The following B3GALT1 variants were observed in gnomAD, a reference collection of about 807,000 sequenced individuals.
B3GALT1 encodes beta-1,3-galactosyltransferase 1, also known as UDP-Gal:betaGlcNAc beta 1,3-galactosyltransferase, polypeptide 1.
In B3GALT1, 10 loss-of-function variants were observed where a neutral mutation model predicts 23.2. The ratio of observed to expected loss-of-function variants is 0.43; its 90% CI spans 0.27 to 0.73. B3GALT1 has a LOEUF of 0.73. Among genes scored for constraint, B3GALT1 ranks in the 30% least tolerant of loss-of-function variants. B3GALT1 has a pLI of 0.21. For missense variants in B3GALT1, 299 were observed against 405.4 expected (o/e 0.74, Z 2.25); for synonymous variants, 156 against 141.5 (o/e 1.10, Z -0.73).
chr2:167,444,970 T>G (rs1218713888), intron 1 of B3GALT1, among the ~76,000 whole-genome samples: 1 of 152,234 alleles, frequency 6.6e-6, no homozygotes, highest in African/African-American at 2.4e-5. Flanking sequence ...GTGTCAATTT[T>G]AGATCTTTCC....
chr2:167,676,756 C>T (rs868845499), intron 3 of B3GALT1, among the ~76,000 whole-genome samples: 4 of 152,032 alleles, frequency 2.6e-5, no homozygotes, highest in African/African-American at 9.7e-5. Context: ...AGGCTGGTCT[C>T]GAACTCCTGG....
chr2:167,765,816 T>C (rs1305757091), intron 3 of B3GALT1, among the ~76,000 whole-genome samples: 2 of 152,252 alleles, frequency 1.3e-5, no homozygotes, highest in Non-Finnish European at 2.9e-5. Flanking sequence ...CTCTCTAAAG[T>C]GTATTATACC....
intron 2 of B3GALT1, among the ~76,000 whole-genome samples, chr2:167,603,286 G>T (rs1408396761): frequency 6.6e-6 from 1 of 152,130 alleles, no homozygotes; most frequent in East Asian, 1.9e-4. Flanking sequence ...TGCAGTGGAA[G>T]GACCCAGGCG....
intron 1 of B3GALT1, among the ~76,000 whole-genome samples, chr2:167,373,591 T>C (rs1335180843): frequency 6.6e-6 from 1 of 152,174 alleles, no homozygotes; most frequent in Non-Finnish European, 1.5e-5. Flanking sequence ...CACACTCTTA[T>C]GAAAAGAGGA....
At chr2:167,598,960 A>G (rs1286793165) in intron 2 of B3GALT1, among the ~76,000 whole-genome samples, 1 of 152,216 alleles carries the variant, frequency 6.6e-6, no homozygotes, top group East Asian at 1.9e-4. Flanking sequence ...ACTGTCCAGT[A>G]CCACAGAATA....
At chr2:167,788,034 G>T (rs1017909347) in intron 3 of B3GALT1, among the ~76,000 whole-genome samples, 1 of 152,186 alleles carries the variant, frequency 6.6e-6, no homozygotes, top group Non-Finnish European at 1.5e-5. Context: ...CCTGGCCCTG[G>T]TGGAGCCAGA....
intron 2 of B3GALT1, among the ~76,000 whole-genome samples, chr2:167,519,991 G>A (rs1700163856): frequency 6.6e-6 from 1 of 151,634 alleles, no homozygotes; most frequent in South Asian, 2.1e-4. Context: ...GTTGCAGTGA[G>A]CCAAGATTGT....
At chr2:167,549,405 A>G (rs944893293) in intron 2 of B3GALT1, among the ~76,000 whole-genome samples, 20 of 152,268 alleles carry the variant, frequency 1.3e-4, no homozygotes, top group Admixed American at 1.2e-3. Context: ...CTGCCTCACA[A>G]TCATAAATAA....
chr2:167,396,687 A>G (rs1698104327), intron 1 of B3GALT1, among the ~76,000 whole-genome samples: 1 of 151,942 alleles, frequency 6.6e-6, no homozygotes, highest in Non-Finnish European at 1.5e-5. Flanking sequence ...AACATGAGAC[A>G]TCAACACAGA....
At chr2:167,487,288 T>C (rs895169801) in intron 1 of B3GALT1, among the ~76,000 whole-genome samples, 1 of 152,148 alleles carries the variant, frequency 6.6e-6, no homozygotes, top group Non-Finnish European at 1.5e-5. Context: ...GGGAAGGTAA[T>C]GTTGTGCGTG....
In B3GALT1 at chr2:167,870,149, A is replaced by C. The variant is rs12466817; in HGVS notation, c.*129A>C. On this transcript the variant is annotated 3_prime_UTR_variant, in exon 5 of 5. Transcript: ENST00000392690. ...TTGTAAAGTTTTTGCTTCCTGCTATAAGTTCTTTTCTTGGATTACCAATTT... is the reference window on the plus strand; with the variant it reads ...TTGTAAAGTTTTTGCTTCCTGCTATCAGTTCTTTTCTTGGATTACCAATTT... 0.15 allele frequency: 148,251 copies of C among 973,628 alleles called. 13,039 individuals are homozygous for C. Among genetic ancestry groups the C allele is most frequent in the East Asian group, 0.31 (11,849 of 37,682 alleles). The allele number at this position is 973,628 out of a possible 1,614,324, so 60.3% of individuals were successfully genotyped here.
intron 2 of B3GALT1, among the ~76,000 whole-genome samples, chr2:167,596,259 A>G (rs1306850567): frequency 1.3e-5 from 2 of 152,166 alleles, no homozygotes; most frequent in Non-Finnish European, 2.9e-5. Context: ...ATCTAATAAC[A>G]GGAAGTACCT....
intron 2 of B3GALT1, among the ~76,000 whole-genome samples, chr2:167,609,986 A>G (rs1685030531): frequency 1.3e-5 from 2 of 152,180 alleles, no homozygotes; most frequent in South Asian, 4.1e-4. Context: ...GAAGAAAAGA[A>G]CAAATCAAAG....
intron 1 of B3GALT1, among the ~76,000 whole-genome samples, chr2:167,328,707 C>T (rs974066645): frequency 6.6e-6 from 1 of 151,804 alleles, no homozygotes; most frequent in Non-Finnish European, 1.5e-5. Context: ...GTTTAGTACT[C>T]CTCTGATCTT....
chr2:167,587,894 T>C (rs1444015779), intron 2 of B3GALT1, among the ~76,000 whole-genome samples: 4 of 152,230 alleles, frequency 2.6e-5, no homozygotes, highest in Non-Finnish European at 4.4e-5. Context: ...TCTTAACTAA[T>C]TATTTTACTG....
chr2:167,676,081 C>T lies in B3GALT1; in HGVS notation c.-352+29115C>T, dbSNP rs76540243. Among the ~76,000 whole-genome samples, 1,310 of 152,090 alleles carry T rather than the reference C, an allele frequency of 8.6e-3. 17 individuals carry two copies. The highest frequency in any genetic ancestry group is 0.03 in the African/African-American group (1,230 of 41,452). On this transcript the variant is annotated intron_variant, in intron 3 of 4. Transcript: ENST00000392690. The stretch of plus-strand genomic sequence containing the variant: ...GTTGGCCCCCTAAGGGCCTAGACCA[C>T]GCCCCTCCCGATGCAGGATGGAGCG...
intron 3 of B3GALT1, among the ~76,000 whole-genome samples, chr2:167,734,403 G>A (rs1206498945): frequency 6.6e-6 from 1 of 152,158 alleles, no homozygotes; most frequent in Non-Finnish European, 1.5e-5. Context: ...CAATTTCCAG[G>A]CCACTTTTGC....
At chr2:167,330,144 T>C (rs1202101080) in intron 1 of B3GALT1, among the ~76,000 whole-genome samples, 1 of 149,730 alleles carries the variant, frequency 6.7e-6, no homozygotes, top group East Asian at 1.9e-4. Flanking sequence ...TCTAGGACCC[T>C]GATAATTCAT....
rs1204736914 is a variant in B3GALT1 at position 167,572,370 on chromosome 2, G to C, written c.-409-74539G>C. 2.0e-5 allele frequency among the ~76,000 whole-genome samples: 3 copies of C among 151,804 alleles called. No individual in the cohort carries two copies. In the East Asian group the frequency reaches 5.8e-4, roughly 29 times the overall value. ...AGGCTACAAACCTCCACTTTTTAAA[G>C]TTATCGACATTTTCAGCTTTATGGG... On this transcript the variant is annotated intron_variant, in intron 2 of 4. Coordinates refer to ENST00000392690, the MANE Select transcript of B3GALT1 (RefSeq NM_020981.4).
Sources: gnomAD v4.1 joint callset for allele counts (sites outside exome capture counted in the v4.1 genomes callset) on GRCh38, gnomAD v4.1.1 for gene constraint, MANE v1.5 for transcripts, NCBI Gene and HGNC (gene_info 2026-07-23, HGNC 2026-07-21) for gene names.